UBE2W: variants seen among roughly 807,000 people sequenced by gnomAD.
The protein encoded by UBE2W is ubiquitin conjugating enzyme E2 W, also known as ubiquitin-conjugating enzyme E2 W.
Under a neutral mutation model 27.2 loss-of-function variants are expected in UBE2W, and 18 were observed. The ratio of observed to expected loss-of-function variants is 0.66; its 90% CI spans 0.46 to 0.98. The LOEUF is 0.98. UBE2W is among the 50% of genes least tolerant of loss of function. UBE2W has a pLI of 0.00. For missense variants in UBE2W, 90 were observed against 180.2 expected, an observed-to-expected ratio of 0.50 and a Z score of 2.87; for synonymous variants, 53 against 57.2, an observed-to-expected ratio of 0.93 and a Z score of 0.33.
downstream of UBE2W, among the ~76,000 whole-genome samples, chr8:73,786,016 T>C (rs1273764703): frequency 1.3e-5 from 2 of 152,252 alleles, no homozygotes; most frequent in Non-Finnish European, 2.9e-5. Flanking sequence ...TGAAGATATA[T>C]ACCTCATCTG....
In UBE2W at chr8:73,788,970, T is replaced by C. The variant is rs530463476; in HGVS notation, c.*5132A>G. 2 of 983,136 alleles carry C rather than the reference T, an allele frequency of 2.0e-6. No homozygotes were observed. Among genetic ancestry groups the C allele is most frequent in the Non-Finnish European group, 2.4e-6 (2 of 828,024 alleles). The allele number at this position is 983,136 out of a possible 1,614,324, so 60.9% of individuals were successfully genotyped here. Reference sequence around the variant, plus strand: ...AGATATTTTATTAACAAAAAATTTTTCATAAAAAAATAGTCATTTAATCAT... The same window carrying C: ...AGATATTTTATTAACAAAAAATTTTCCATAAAAAAATAGTCATTTAATCAT... On this transcript the variant is annotated 3_prime_UTR_variant, in exon 6 of 6. Transcript: ENST00000602593.
chr8:73,782,101 C>T (rs987248785), downstream of UBE2W, among the ~76,000 whole-genome samples: 7 of 146,570 alleles, frequency 4.8e-5, no homozygotes, highest in Admixed American at 1.3e-4. Context: ...CCACTAGGCC[C>T]GGCTAATTTT....
At chr8:73,828,651 C>A (rs772142641) in intron 2 of UBE2W, among the ~76,000 whole-genome samples, 5 of 151,956 alleles carry the variant, frequency 3.3e-5, no homozygotes, top group African/African-American at 2.4e-5. Flanking sequence ...TTTGTGGGTA[C>A]AAAGTAGGTG....
Position 73,794,007 on chromosome 8 carries a change from C to T in UBE2W, c.*95G>A, listed in dbSNP as rs1808307704. ...AGTAGTCTTCATTGCCTATAGGTCA[C>T]TTCCAGTCAAAGGTTAAAGTTCAAA... On this transcript the variant is annotated 3_prime_UTR_variant, in exon 6 of 6. Coordinates refer to ENST00000602593, the MANE Select transcript of UBE2W (RefSeq NM_018299.6). 2 of 1,582,850 alleles carry T rather than the reference C, an allele frequency of 1.3e-6. No individual in the cohort carries two copies. Among genetic ancestry groups the T allele is most frequent in the Non-Finnish European group, 1.7e-6 (2 of 1,165,782 alleles).
chr8:73,840,074 CAAG>C (rs1168890996), intron 1 of UBE2W, among the ~76,000 whole-genome samples: 3 of 150,492 alleles, frequency 2.0e-5, no homozygotes, highest in Non-Finnish European at 3.0e-5. Context: ...TTTTTCCCCC[CAAG>C]AAGGAGTCTT....
rs1299089274 is a variant in UBE2W, at chr8:73,789,113, G to A, written c.*4989C>T. The A allele has an allele frequency of 1.2e-5, 12 of 984,934 alleles. No individual in the cohort carries two copies. Among genetic ancestry groups the A allele is most frequent in the African/African-American group, 5.2e-5 (3 of 57,152 alleles). 61.0% of individuals were successfully genotyped at this position (984,934 alleles called of 1,614,324 possible). ...TTCAACTTTCAGGATAGAGAGCTAA[G>A]TTTCAAGTACATGTCTAGATTCTAT... On this transcript the variant is annotated 3_prime_UTR_variant, in exon 6 of 6. Transcript: ENST00000602593.
chr8:73,867,769 G>A (rs1230845097), intron 1 of UBE2W, among the ~76,000 whole-genome samples: 1 of 149,306 alleles, frequency 6.7e-6, no homozygotes, highest in East Asian at 1.9e-4. Context: ...TTTCTCCACC[G>A]AAATACCAAT....
intron 1 of UBE2W, among the ~76,000 whole-genome samples, chr8:73,874,150 G>A (rs529978546): frequency 4.6e-5 from 7 of 152,126 alleles, no homozygotes; most frequent in East Asian, 1.9e-4. Flanking sequence ...TTAAAAACAC[G>A]GCCGGGCGCG....
At chr8:73,847,413 C>T (rs1810857631) in intron 1 of UBE2W, among the ~76,000 whole-genome samples, 1 of 152,078 alleles carries the variant, frequency 6.6e-6, no homozygotes, top group Admixed American at 6.6e-5. Context: ...AACTGGTAAA[C>T]AATTTTATAA....
At chr8:73,839,341 C>G (rs563406871) in intron 1 of UBE2W, among the ~76,000 whole-genome samples, 26 of 108,728 alleles carry the variant, frequency 2.4e-4, no homozygotes, top group African/African-American at 9.3e-4. Context: ...TTAAAATGCT[C>G]CTAGTTAAAA....
intron 5 of UBE2W, among the ~76,000 whole-genome samples, chr8:73,801,457 T>A (rs1017606062): frequency 4.6e-5 from 7 of 152,194 alleles, no homozygotes; most frequent in African/African-American, 1.7e-4. Context: ...TGAAGTTGCA[T>A]GAAAAACCTC....
chr8:73,785,303 G>A (rs774215159), downstream of UBE2W, among the ~76,000 whole-genome samples: 7 of 151,938 alleles, frequency 4.6e-5, no homozygotes, highest in African/African-American at 7.3e-5. Flanking sequence ...GTGCCACCAT[G>A]CCCAGCTTTT....
intron 1 of UBE2W, among the ~76,000 whole-genome samples, chr8:73,857,509 T>C (rs1009669965): frequency 6.6e-6 from 1 of 152,118 alleles, no homozygotes; most frequent in Admixed American, 6.6e-5. Flanking sequence ...AGTTCAATCT[T>C]CTAAGCCTTC....
downstream of UBE2W, among the ~76,000 whole-genome samples, chr8:73,785,653 A>AGT (rs1807931336): frequency 1.3e-5 from 2 of 151,338 alleles, no homozygotes; most frequent in African/African-American, 4.8e-5. Flanking sequence ...GTGCAATGGC[A>AGT]TGATCTTAGT....
intron 3 of UBE2W, among the ~76,000 whole-genome samples, chr8:73,819,282 C>G (rs189587146): frequency 6.6e-6 from 1 of 152,284 alleles, no homozygotes; most frequent in East Asian, 1.9e-4. Flanking sequence ...CTGTCTCTCC[C>G]CACAAGAATG....
chr8:73,831,149 T>A, intron 1 of UBE2W: 1 of 435,066 alleles, frequency 2.3e-6, no homozygotes, highest in South Asian at 2.1e-5. Context: ...ATAGTAGTTC[T>A]GGCAGCAGCC....
At chr8:73,815,722 A>C (rs1809357672) in intron 3 of UBE2W, among the ~76,000 whole-genome samples, 1 of 152,222 alleles carries the variant, frequency 6.6e-6, no homozygotes, top group Non-Finnish European at 1.5e-5. Context: ...TCTATAACCT[A>C]ACATGGTGTC....
chr8:73,801,162 T>C (rs545805261), intron 5 of UBE2W, among the ~76,000 whole-genome samples: 3 of 152,306 alleles, frequency 2.0e-5, no homozygotes, highest in Non-Finnish European at 4.4e-5. Context: ...TTAATCCTTA[T>C]ATTTCTGGTT....
intron 1 of UBE2W, among the ~76,000 whole-genome samples, chr8:73,869,857 G>T (rs1348494628): frequency 6.6e-6 from 1 of 151,816 alleles, no homozygotes; most frequent in Non-Finnish European, 1.5e-5. Context: ...ATGAGACCCT[G>T]TCTCACCTGT....
Sources: allele counts gnomAD v4.1 joint callset (sites outside exome capture counted in the v4.1 genomes callset), GRCh38; gene constraint gnomAD v4.1.1; transcripts MANE v1.5; gene names NCBI Gene and HGNC (gene_info 2026-07-23, HGNC 2026-07-21).